The following SYNDIG1 variants were observed in gnomAD, a reference collection of about 807,000 sequenced individuals.
SYNDIG1 encodes the protein synapse differentiation inducing 1.
SYNDIG1 carries 9 observed loss-of-function variants against 19.4 expected under a neutral mutation model. The ratio of observed to expected loss-of-function variants is 0.46; its 90% CI spans 0.28 to 0.81. The LOEUF (loss-of-function observed/expected upper bound fraction) is 0.81, where lower values mean the gene tolerates loss of function less well. Ranked by LOEUF, SYNDIG1 falls within the 30% of genes least tolerant of loss-of-function variation. The probability of loss-of-function intolerance (pLI) is 0.12; values close to 1 mark genes in which losing one functional copy is unlikely to be tolerated. For synonymous variants in SYNDIG1, 141 were observed against 145.9 expected, an observed-to-expected ratio of 0.97 and a Z score of 0.24; for missense variants, 311 against 343.3, an observed-to-expected ratio of 0.91 and a Z score of 0.74.
In SYNDIG1 at chr20:24,665,593, A is replaced by G. The variant is rs1408606914; in HGVS notation, c.*89A>G. ...ATACCGCATGATGCTGTACAGTACA[A>G]ATGATTGCCAAATGATGCCACGAAG... On this transcript the variant is annotated 3_prime_UTR_variant, in exon 4 of 4. Coordinates refer to ENST00000376862, the MANE Select transcript of SYNDIG1 (RefSeq NM_024893.3). The G allele has an allele frequency of 6.6e-7, 1 of 1,525,282 alleles. No homozygotes were observed. The highest frequency in any genetic ancestry group is 1.3e-5 in the South Asian group (1 of 79,994). The allele number at this position is 1,525,282 out of a possible 1,614,324, so 94.5% of individuals were successfully genotyped here. A position where few individuals can be genotyped will look rare whatever the true frequency, so the allele number is the denominator to read the frequency against.
In SYNDIG1 at chr20:24,665,374, T is replaced by C. The variant is rs142204568; in HGVS notation, c.647T>C (p.Leu216Ser). ...ETNKAVAKGDLHQASTSSRRA... is the reference protein window; with the variant it reads ...ETNKAVAKGDSHQASTSSRRA... ...AACAAAGCCGTGGCCAAGGGGGACT[T>C]GCACCAGGCCAGCACCAGCTCCCGG... The change falls in exon 4 of 4, where the codon TTG becomes TCG. Residue 216 changes from leucine (L) to serine (S), a missense_variant. Coordinates refer to ENST00000376862, the MANE Select transcript of SYNDIG1 (RefSeq NM_024893.3). 7.5e-6 allele frequency: 12 copies of C among 1,604,674 alleles called. No individual in the cohort carries two copies. In the African/African-American group the frequency reaches 1.5e-4, roughly 20 times the overall value.
intron 1 of SYNDIG1, among the ~76,000 whole-genome samples, chr20:24,506,889 T>C (rs1329731405): frequency 1.3e-5 from 2 of 152,152 alleles, no homozygotes; most frequent in Non-Finnish European, 2.9e-5. Context: ...AGCTGGGCAG[T>C]GGGCAAGAAA....
At chr20:24,503,901 C>CAT (rs2056519511) in intron 1 of SYNDIG1, among the ~76,000 whole-genome samples, 1 of 150,866 alleles carries the variant, frequency 6.6e-6, no homozygotes, top group Non-Finnish European at 1.5e-5. Context: ...GGATTGAAGA[C>CAT]ATTTCATGAG....
intron 1 of SYNDIG1, among the ~76,000 whole-genome samples, chr20:24,500,858 C>G (rs2056437242): frequency 6.6e-6 from 1 of 152,100 alleles, no homozygotes; most frequent in Non-Finnish European, 1.5e-5. Flanking sequence ...CCTCATAAAG[C>G]AAAATAAATT....
At chr20:24,482,151 A>G (rs2055815767) in intron 1 of SYNDIG1, among the ~76,000 whole-genome samples, 1 of 152,230 alleles carries the variant, frequency 6.6e-6, no homozygotes, top group African/African-American at 2.4e-5. Context: ...TGACTAAGAA[A>G]GAAATACATG....
chr20:24,474,715 T>G (rs1297346482), intron 1 of SYNDIG1, among the ~76,000 whole-genome samples: 1 of 152,236 alleles, frequency 6.6e-6, no homozygotes, highest in Non-Finnish European at 1.5e-5. Flanking sequence ...AACTGCGTCT[T>G]TCAAGAACGG....
At chr20:24,557,475 G>A in intron 2 of SYNDIG1, among the ~76,000 whole-genome samples, 1 of 152,096 alleles carries the variant, frequency 6.6e-6, no homozygotes, top group Admixed American at 6.5e-5. Flanking sequence ...ATGTACAGAT[G>A]GGTTTTTGGT....
At chr20:24,521,616 C>T (rs572951961) in intron 1 of SYNDIG1, among the ~76,000 whole-genome samples, 88 of 152,130 alleles carry the variant, frequency 5.8e-4, no homozygotes, top group Admixed American at 4.0e-3. Flanking sequence ...AGTAGTACCT[C>T]GCCACACACA....
intron 2 of SYNDIG1, among the ~76,000 whole-genome samples, chr20:24,557,205 G>A (rs1019496803): frequency 3.3e-5 from 5 of 152,034 alleles, no homozygotes; most frequent in Admixed American, 6.6e-5. Context: ...GTATCCATTC[G>A]TCTAAATTTT....
At chr20:24,631,990 T>G (rs1221261887) in intron 3 of SYNDIG1, among the ~76,000 whole-genome samples, 2 of 152,186 alleles carry the variant, frequency 1.3e-5, no homozygotes, top group Non-Finnish European at 2.9e-5. Context: ...GACTCAAAAA[T>G]GTGAGCAAAG....
chr20:24,657,435 C>T (rs868583087), intron 3 of SYNDIG1, among the ~76,000 whole-genome samples: 74 of 152,264 alleles, frequency 4.9e-4, no homozygotes, highest in Admixed American at 2.6e-4. Context: ...AGGGGATCGG[C>T]GCCAGCACCC....
intron 2 of SYNDIG1, 145 bp from the exon 3 acceptor site, chr20:24,584,711 G>T (rs1027677998): frequency 1.8e-6 from 2 of 1,099,902 alleles, no homozygotes; most frequent in South Asian, 1.3e-5. Context: ...CAGCAATAAC[G>T]ATGACTCGAA....
intron 3 of SYNDIG1, among the ~76,000 whole-genome samples, chr20:24,662,439 G>A (rs1030203820): frequency 3.9e-5 from 6 of 152,100 alleles, no homozygotes; most frequent in Non-Finnish European, 8.8e-5. Context: ...GTGCCTGGTG[G>A]GTTTCAGGTT....
intron 3 of SYNDIG1, among the ~76,000 whole-genome samples, chr20:24,608,081 C>T (rs1327877088): frequency 6.6e-6 from 1 of 152,074 alleles, no homozygotes; most frequent in Non-Finnish European, 1.5e-5. Context: ...CAGTTGTATA[C>T]CTAATAAAAG....
intron 2 of SYNDIG1, among the ~76,000 whole-genome samples, chr20:24,576,481 G>A (rs2058229321): frequency 6.6e-6 from 1 of 152,218 alleles, no homozygotes; most frequent in South Asian, 2.1e-4. Context: ...ATGGAAGACA[G>A]TTGATCGGGG....
intron 1 of SYNDIG1, among the ~76,000 whole-genome samples, chr20:24,475,636 G>A (rs2055597759): frequency 6.6e-6 from 1 of 152,204 alleles, no homozygotes; most frequent in African/African-American, 2.4e-5. Context: ...GCACTCGTTT[G>A]CCTCAGATCT....
In SYNDIG1 at chr20:24,665,357, C is replaced by T. The variant is rs748578455; in HGVS notation, c.630C>T (p.Ala210=). The T allele has an allele frequency of 1.1e-5, 18 of 1,600,814 alleles. No individual in the cohort carries two copies. The Middle Eastern group carries it at 6.7e-4, about 59-fold the overall frequency. Residue 210 remains alanine (A), a synonymous_variant, in exon 4 of 4, where the codon GCC becomes GCT. Transcript: ENST00000376862. ...CTCCAACTCTGCAGACCAACAAAGC[C>T]GTGGCCAAGGGGGACTTGCACCAGG... ...AFYLSHETNK[A]VAKGDLHQAS...
chr20:24,568,211 A>G (rs1309813217), intron 2 of SYNDIG1, among the ~76,000 whole-genome samples: 1 of 152,202 alleles, frequency 6.6e-6, no homozygotes, highest in Non-Finnish European at 1.5e-5. Flanking sequence ...AGTAGGGGAC[A>G]TCGTTGCACT....
chr20:24,525,545 A>G (rs974419226), intron 1 of SYNDIG1, among the ~76,000 whole-genome samples: 1 of 152,094 alleles, frequency 6.6e-6, no homozygotes. Context: ...CGGCCTCCCA[A>G]AGTGCTGGGA....
Sources: gnomAD v4.1 joint callset for allele counts (sites outside exome capture counted in the v4.1 genomes callset) on GRCh38, gnomAD v4.1.1 for gene constraint, MANE v1.5 for transcripts, NCBI Gene and HGNC (gene_info 2026-07-23, HGNC 2026-07-21) for gene names.